Variants in SEMA4F observed in about 807,000 individuals in gnomAD.
SEMA4F encodes ssemaphorin 4F.
In SEMA4F, 51 loss-of-function variants were observed where a neutral mutation model predicts 78.4. That is an observed-to-expected ratio of 0.65 (90% CI 0.52 to 0.82). The LOEUF is 0.82. SEMA4F is among the 40% of genes least tolerant of loss of function. SEMA4F has a pLI of 0.00. For missense variants in SEMA4F, 938 were observed against 1,014.4 expected (o/e 0.92, Z 1.02); for synonymous variants, 418 against 408.7 (o/e 1.02, Z -0.27).
intron 5 of SEMA4F, among the ~76,000 whole-genome samples, chr2:74,671,005 A>G (rs531728004): frequency 5.8e-5 from 8 of 137,732 alleles, no homozygotes; most frequent in African/African-American, 1.4e-4. Flanking sequence ...TGTTTATCTT[A>G]TTTAACCCTT....
the SEMA4F span, among the ~76,000 whole-genome samples, chr2:74,705,107 A>G: frequency 6.6e-6 from 1 of 152,196 alleles, no homozygotes; most frequent in African/African-American, 2.4e-5. Flanking sequence ...TACAAATTAC[A>G]TTTTTTAAAA....
At chr2:74,668,597 G>A (rs1684814515) in intron 5 of SEMA4F, among the ~76,000 whole-genome samples, 1 of 151,534 alleles carries the variant, frequency 6.6e-6, no homozygotes, top group East Asian at 1.9e-4. Flanking sequence ...GCCAAGGCAT[G>A]TAAAAAATCA....
At chr2:74,671,127 T>C (rs187626086) in intron 5 of SEMA4F, among the ~76,000 whole-genome samples, 1 of 152,320 alleles carries the variant, frequency 6.6e-6, no homozygotes, top group Admixed American at 6.5e-5. Flanking sequence ...GGTACTAGTA[T>C]TAATACAAGT....
At chr2:74,686,366 T>G (rs531983063), downstream of SEMA4F, among the ~76,000 whole-genome samples, 10 of 152,352 alleles carry the variant, frequency 6.6e-5, no homozygotes, top group African/African-American at 2.2e-4. Flanking sequence ...CCCAAAGTGC[T>G]GGGATTACAG....
rs370845200 is a variant in SEMA4F at position 74,682,415 on chromosome 2, CAA to C, written c.*2221_*2222del. On this transcript the variant is annotated 3_prime_UTR_variant, in exon 14 of 14. Coordinates refer to ENST00000357877, the MANE Select transcript of SEMA4F (RefSeq NM_004263.5). ...TGGGCAACAGAGCAAAACTCCGTCTCAAAAAAAAAAAAAAAAGATAACCATGA... is the reference window on the plus strand; with the variant it reads ...TGGGCAACAGAGCAAAACTCCGTCTCAAAAAAAAAAAAAAGATAACCATGA... The C allele has an allele frequency of 3.8e-4, 36 of 94,956 alleles. No homozygotes were observed. The highest frequency in any genetic ancestry group is 3.2e-4 in the East Asian group (1 of 3,128). 5.9% of individuals were successfully genotyped at this position (94,956 alleles called of 1,614,324 possible).
At chr2:74,684,921 A>G (rs1392073123), downstream of SEMA4F, among the ~76,000 whole-genome samples, 1 of 152,236 alleles carries the variant, frequency 6.6e-6, no homozygotes, top group African/African-American at 2.4e-5. Flanking sequence ...GAAGTGAGCC[A>G]TGATCGTGCC....
At position 74,662,843 on chromosome 2, in the gene SEMA4F, A is replaced by G; in HGVS notation, c.550+18A>G. The G allele has an allele frequency of 1.2e-6, 2 of 1,608,744 alleles. No individual in the cohort carries two copies. The highest frequency in any genetic ancestry group is 1.7e-6 in the Non-Finnish European group (2 of 1,175,036). ...AATGGCTGGTGAGTGGGGAGAGACA[A>G]GAACCTGTAACTTCTTGCTAATTGC... On this transcript the variant is annotated intron_variant, in intron 5 of 13. Coordinates refer to ENST00000357877, the MANE Select transcript of SEMA4F (RefSeq NM_004263.5).
intron 12 of SEMA4F, among the ~76,000 whole-genome samples, chr2:74,677,137 A>C (rs1312811794): frequency 6.6e-6 from 1 of 152,108 alleles, no homozygotes; most frequent in Non-Finnish European, 1.5e-5. Flanking sequence ...CCTGACCTCA[A>C]GCAATCCACT....
chr2:74,695,705 C>A, the SEMA4F span, among the ~76,000 whole-genome samples: 9 of 152,144 alleles, frequency 5.9e-5, no homozygotes, highest in East Asian at 1.7e-3. Flanking sequence ...AATTTAAAAG[C>A]CTCTGAATAA....
At chr2:74,654,969 C>T (rs1450454148) in intron 1 of SEMA4F, among the ~76,000 whole-genome samples, 2 of 152,216 alleles carry the variant, frequency 1.3e-5, no homozygotes, top group African/African-American at 4.8e-5. Flanking sequence ...TGCTTTCAGA[C>T]CCATCAGTCT....
chr2:74,662,033 G>A (rs1674871965), intron 4 of SEMA4F, among the ~76,000 whole-genome samples: 1 of 152,170 alleles, frequency 6.6e-6, no homozygotes, highest in Admixed American at 6.6e-5. Flanking sequence ...TGGCCCTGAT[G>A]AAGCTCTTAC....
chr2:74,694,549 C>T, the SEMA4F span, among the ~76,000 whole-genome samples: 1 of 152,172 alleles, frequency 6.6e-6, no homozygotes, highest in African/African-American at 2.4e-5. Flanking sequence ...GATTTTTCCC[C>T]CAGCGTTCCT....
chr2:74,678,681 A>G (rs1685418551), intron 12 of SEMA4F, among the ~76,000 whole-genome samples: 1 of 152,162 alleles, frequency 6.6e-6, no homozygotes, highest in Non-Finnish European at 1.5e-5. Flanking sequence ...AGTCCACCCA[A>G]ATCCTGGAAG....
chr2:74,675,937 T>C, intron 12 of SEMA4F, 28 bp downstream of exon 12: 1 of 1,594,794 alleles, frequency 6.3e-7, no homozygotes, highest in East Asian at 2.2e-5. Context: ...GATTTCTTGC[T>C]TACTGTGCCA....
the SEMA4F span, among the ~76,000 whole-genome samples, chr2:74,693,518 A>G: frequency 6.6e-6 from 1 of 152,166 alleles, no homozygotes; most frequent in African/African-American, 2.4e-5. Context: ...TTTTAAGAGG[A>G]TAGGATGGAT....
intron 1 of SEMA4F, 131 bp downstream of exon 1, chr2:74,654,652 C>T: frequency 1.4e-6 from 1 of 740,054 alleles, no homozygotes; most frequent in Non-Finnish European, 2.0e-6. Context: ...CGCCCACGCC[C>T]CGCCGGGACC....
chr2:74,663,049 C>T (rs767511273), intron 5 of SEMA4F, among the ~76,000 whole-genome samples: 59 of 152,192 alleles, frequency 3.9e-4, no homozygotes, highest in Non-Finnish European at 1.2e-4. Context: ...CTCTGCACCT[C>T]TAGTGTAATG....
At chr2:74,690,530 G>A in the SEMA4F span, among the ~76,000 whole-genome samples, 3 of 151,958 alleles carry the variant, frequency 2.0e-5, no homozygotes, top group Non-Finnish European at 4.4e-5. Flanking sequence ...GTTATTAGAG[G>A]ATATTTATGT....
chr2:74,680,315 C>A lies in SEMA4F; in HGVS notation c.*106C>A. The A allele has an allele frequency of 1.5e-6, 2 of 1,313,106 alleles. No individual in the cohort carries two copies. The highest frequency in any genetic ancestry group is 3.0e-5 in the South Asian group (2 of 67,176). The allele number at this position is 1,313,106 out of a possible 1,614,324, so 81.3% of individuals were successfully genotyped here. On this transcript the variant is annotated 3_prime_UTR_variant, in exon 14 of 14. Coordinates refer to ENST00000357877, the MANE Select transcript of SEMA4F (RefSeq NM_004263.5). Reference sequence around the variant, plus strand: ...AAGACCATCCCAGCCTCTGAGTTCTCTTTGAGTATGAGTGATTACTTGGAT... The same window carrying A: ...AAGACCATCCCAGCCTCTGAGTTCTATTTGAGTATGAGTGATTACTTGGAT...
Sources: allele counts gnomAD v4.1 joint callset (sites outside exome capture counted in the v4.1 genomes callset), GRCh38; gene constraint gnomAD v4.1.1; transcripts MANE v1.5; gene names NCBI Gene and HGNC (gene_info 2026-07-23, HGNC 2026-07-21).